Variants in CTDSPL2 observed in about 807,000 individuals in gnomAD.
The protein encoded by CTDSPL2 is CTD small phosphatase-like protein 2.
Under a neutral mutation model 60.0 loss-of-function variants are expected in CTDSPL2, and 5 were observed. The observed-to-expected ratio is 0.08, with a 90% CI of 0.04 to 0.18. The LOEUF is 0.18. Ranked by LOEUF, CTDSPL2 falls within the 10% of genes least tolerant of loss-of-function variation. CTDSPL2 has a pLI of 1.00. For synonymous variants in CTDSPL2, 186 were observed against 189.3 expected (o/e 0.98, Z 0.14); for missense variants, 370 against 548.8 (o/e 0.67, Z 3.26).
At chr15:44,511,660 A>T (rs2081567209) in intron 8 of CTDSPL2, among the ~76,000 whole-genome samples, 1 of 151,920 alleles carries the variant, frequency 6.6e-6, no homozygotes, top group African/African-American at 2.4e-5. Context: ...CCTGAGTTCG[A>T]GAGTTTGAGA....
chr15:44,445,345 A>G (rs1567062451), intron 1 of CTDSPL2, among the ~76,000 whole-genome samples: 2 of 151,302 alleles, frequency 1.3e-5, no homozygotes, highest in Non-Finnish European at 2.9e-5. Flanking sequence ...GCACCATCAC[A>G]CCTAGCAAAT....
intron 5 of CTDSPL2, among the ~76,000 whole-genome samples, chr15:44,494,089 C>T (rs1401315769): frequency 6.6e-6 from 1 of 151,980 alleles, no homozygotes; most frequent in Admixed American, 6.6e-5. Flanking sequence ...TTATTGGGTT[C>T]TACTTTAAAT....
intron 1 of CTDSPL2, 51 bp downstream of exon 1, chr15:44,427,823 C>G: frequency 2.5e-6 from 1 of 397,808 alleles, no homozygotes; most frequent in Non-Finnish European, 4.4e-6. Context: ...CAGTCCTCCT[C>G]CTCTTCCAGG....
At chr15:44,457,414 A>G (rs930287773) in intron 1 of CTDSPL2, among the ~76,000 whole-genome samples, 23 of 152,272 alleles carry the variant, frequency 1.5e-4, no homozygotes, top group African/African-American at 4.1e-4. Flanking sequence ...AAACCTCATG[A>G]ACCAAATAGT....
At chr15:44,433,031 A>G (rs1005369497) in intron 1 of CTDSPL2, among the ~76,000 whole-genome samples, 8 of 151,970 alleles carry the variant, frequency 5.3e-5, no homozygotes, top group African/African-American at 1.9e-4. Context: ...AAACAACACA[A>G]CAGGCTGGGC....
intron 5 of CTDSPL2, among the ~76,000 whole-genome samples, chr15:44,493,755 A>G (rs772209046): frequency 6.6e-6 from 1 of 152,202 alleles, no homozygotes; most frequent in African/African-American, 2.4e-5. Context: ...AGCTGTGTTC[A>G]TGCCACTGCA....
chr15:44,509,104 C>T (rs1284678287), intron 8 of CTDSPL2, among the ~76,000 whole-genome samples: 3 of 151,898 alleles, frequency 2.0e-5, no homozygotes, highest in Non-Finnish European at 2.9e-5. Context: ...TTATATAATT[C>T]GATGTGAGTT....
chr15:44,439,558 A>G (rs2080044379), intron 1 of CTDSPL2, among the ~76,000 whole-genome samples: 1 of 149,270 alleles, frequency 6.7e-6, no homozygotes, highest in African/African-American at 2.5e-5. Context: ...GGGGGGGAAT[A>G]TTTGCATTAT....
chr15:44,433,278 C>T (rs899226443), intron 1 of CTDSPL2, among the ~76,000 whole-genome samples: 1 of 147,214 alleles, frequency 6.8e-6, no homozygotes, highest in African/African-American at 2.5e-5. Context: ...GGGTGCCATC[C>T]ATTGCACTCC....
In CTDSPL2 at chr15:44,454,377, G is replaced by T. The variant is rs552814114; in HGVS notation, c.-24-4614G>T. Among the ~76,000 whole-genome samples, 5 of 152,104 alleles carry T rather than the reference G, an allele frequency of 3.3e-5. No individual in the cohort carries two copies. In the South Asian group the frequency reaches 6.2e-4, roughly 19 times the overall value. On this transcript the variant is annotated intron_variant, in intron 1 of 12. Transcript: ENST00000260327. The stretch of plus-strand genomic sequence containing the variant: ...AAATTTTTCTCCCATTCTGTAGGTT[G>T]CCTGTTTACTCTGATGGTAGTTTCT...
At chr15:44,503,499 A>G in intron 8 of CTDSPL2, 1 of 152,176 alleles carries the variant, frequency 6.6e-6, no homozygotes, top group East Asian at 1.9e-4. Flanking sequence ...GATGACTTCT[A>G]TCCACAAGCA....
chr15:44,480,354 C>G (rs1456040780), intron 2 of CTDSPL2, among the ~76,000 whole-genome samples: 3 of 152,082 alleles, frequency 2.0e-5, no homozygotes, highest in African/African-American at 7.2e-5. Context: ...TTCTGTTTTC[C>G]TTTGCACTGG....
At position 44,459,014 on chromosome 15, in the gene CTDSPL2, G is replaced by T. The variant is rs768918514; in HGVS notation, c.-1G>T. ...AGTTTTACATGTGGCACCCATAAAA[G>T]ATGAGGCTGAGAACACGGAAAGCTT... On this transcript the variant is annotated 5_prime_UTR_variant, in exon 2 of 13. Coordinates refer to ENST00000260327, the MANE Select transcript of CTDSPL2 (RefSeq NM_016396.3). 6.5e-7 allele frequency: 1 copy of T among 1,540,550 alleles called. No individual in the cohort carries two copies. The highest frequency in any genetic ancestry group is 1.3e-5 in the South Asian group (1 of 78,046).
At chr15:44,490,556 A>G (rs1487146141) in intron 4 of CTDSPL2, among the ~76,000 whole-genome samples, 1 of 152,204 alleles carries the variant, frequency 6.6e-6, no homozygotes, top group African/African-American at 2.4e-5. Flanking sequence ...ACAATTGCAC[A>G]CATGACTAGG....
In CTDSPL2 at chr15:44,481,625, G is replaced by A. The variant is rs375479611; in HGVS notation, c.187-2599G>A. ...TTTCACTCTTGTTGCCTAGGCTGAA[G>A]TGCAATAGCATGATCTCAGCTCACC... On this transcript the variant is annotated intron_variant, in intron 2 of 12. Transcript: ENST00000260327. 4.5e-3 allele frequency among the ~76,000 whole-genome samples: 687 copies of A among 152,268 alleles called. 4 individuals are homozygous for A. The highest frequency in any genetic ancestry group is 0.016 in the African/African-American group (653 of 41,540).
chr15:44,474,511 A>G lies in CTDSPL2; in HGVS notation c.187-9713A>G, dbSNP rs544057974. Among the ~76,000 whole-genome samples, 30 of 152,094 alleles carry G rather than the reference A, an allele frequency of 2.0e-4. No homozygotes were observed. The South Asian group carries it at 6.0e-3, about 31-fold the overall frequency. On this transcript the variant is annotated intron_variant, in intron 2 of 12. Coordinates refer to ENST00000260327, the MANE Select transcript of CTDSPL2 (RefSeq NM_016396.3). Reference sequence around the variant, plus strand: ...TCGTCTTTGTTTTAAAAAAGAAGAAAGAACTTTCTTGAGAGGAACTGGCTC... The same window carrying G: ...TCGTCTTTGTTTTAAAAAAGAAGAAGGAACTTTCTTGAGAGGAACTGGCTC...
intron 2 of CTDSPL2, among the ~76,000 whole-genome samples, chr15:44,483,366 C>T (rs1038938705): frequency 1.2e-4 from 18 of 147,178 alleles, no homozygotes; most frequent in Admixed American, 6.9e-4. Flanking sequence ...ATTCCAACCT[C>T]GTCTCTACTA....
At chr15:44,459,880 T>G (rs2080528478) in intron 2 of CTDSPL2, among the ~76,000 whole-genome samples, 1 of 152,296 alleles carries the variant, frequency 6.6e-6, no homozygotes, top group Non-Finnish European at 1.5e-5. Context: ...GAAGATGTAT[T>G]GCTTCGTTAA....
intron 5 of CTDSPL2, among the ~76,000 whole-genome samples, chr15:44,491,514 A>T (rs571551997): frequency 6.6e-6 from 1 of 152,342 alleles, no homozygotes; most frequent in South Asian, 2.1e-4. Context: ...TGTCCTTGAA[A>T]TGTGGAAACA....
Sources: allele counts gnomAD v4.1 joint callset (sites outside exome capture counted in the v4.1 genomes callset), GRCh38; gene constraint gnomAD v4.1.1; transcripts MANE v1.5; gene names NCBI Gene and HGNC (gene_info 2026-07-23, HGNC 2026-07-21).